CAST: variants seen among roughly 807,000 people sequenced by gnomAD.
The protein encoded by CAST is calpastatin, also known as MIR583 host.
Under a neutral mutation model 119.6 loss-of-function variants are expected in CAST, and 76 were observed. The ratio of observed to expected loss-of-function variants is 0.64; its 90% CI spans 0.53 to 0.77. The LOEUF (loss-of-function observed/expected upper bound fraction) is 0.77. CAST is among the 30% of genes least tolerant of loss of function. The pLI, the probability that CAST is intolerant of heterozygous loss-of-function variation, is 0.00. For missense variants in CAST, 953 were observed against 946.5 expected (o/e 1.01, Z -0.09); for synonymous variants, 319 against 331.6 (o/e 0.96, Z 0.41).
chr5:96,764,900 G>A (rs1333529843), intron 25 of CAST, among the ~76,000 whole-genome samples: 1 of 152,082 alleles, frequency 6.6e-6, no homozygotes, highest in East Asian at 1.9e-4. Flanking sequence ...GTGACCTCCA[G>A]GTCACCCACT....
At chr5:96,220,649 C>T in the CAST span, among the ~76,000 whole-genome samples, 33 of 152,312 alleles carry the variant, frequency 2.2e-4, no homozygotes, top group South Asian at 6.6e-3. Context: ...ATGAATAAGA[C>T]ATCACTCAGT....
the CAST span, among the ~76,000 whole-genome samples, chr5:96,464,695 A>T: frequency 6.6e-6 from 1 of 152,104 alleles, no homozygotes. Flanking sequence ...TGTGAAACGT[A>T]ATACAGTAAA....
At chr5:96,104,199 A>G in the CAST span, among the ~76,000 whole-genome samples, 1 of 152,060 alleles carries the variant, frequency 6.6e-6, no homozygotes, top group African/African-American at 2.4e-5. Flanking sequence ...GTTCACTCTG[A>G]TGGTAGTTTC....
chr5:96,201,107 T>C, the CAST span, among the ~76,000 whole-genome samples: 1 of 152,242 alleles, frequency 6.6e-6, no homozygotes, highest in South Asian at 2.1e-4. Flanking sequence ...TTCAAAGAGA[T>C]GTTTAGAATT....
At chr5:96,108,509 G>T in the CAST span, among the ~76,000 whole-genome samples, 1 of 152,058 alleles carries the variant, frequency 6.6e-6, no homozygotes, top group Non-Finnish European at 1.5e-5. Context: ...TGCCCCTGCT[G>T]GGGGGTGCCT....
the CAST span, among the ~76,000 whole-genome samples, chr5:96,375,734 T>C: frequency 6.6e-6 from 1 of 151,654 alleles, no homozygotes; most frequent in Non-Finnish European, 1.5e-5. Flanking sequence ...TTGAAGGCCT[T>C]ATAAGCAAAA....
At chr5:96,179,325 G>A in the CAST span, among the ~76,000 whole-genome samples, 1 of 152,174 alleles carries the variant, frequency 6.6e-6, no homozygotes, top group Non-Finnish European at 1.5e-5. Context: ...CACAGGTTTT[G>A]TCTTGAATGC....
intron 1 of CAST, among the ~76,000 whole-genome samples, chr5:96,533,477 G>C (rs923412583): frequency 1.3e-5 from 2 of 152,096 alleles, no homozygotes; most frequent in African/African-American, 4.8e-5. Flanking sequence ...TAAAATCAAA[G>C]CTATTTTATA....
the CAST span, among the ~76,000 whole-genome samples, chr5:96,436,888 G>A: frequency 6.6e-6 from 1 of 152,196 alleles, no homozygotes; most frequent in Non-Finnish European, 1.5e-5. Flanking sequence ...ATTTTGGTGG[G>A]TGTGCTATGC....
chr5:96,014,595 A>C, the CAST span, among the ~76,000 whole-genome samples: 1 of 152,164 alleles, frequency 6.6e-6, no homozygotes, highest in African/African-American at 2.4e-5. Flanking sequence ...CTATGGCACT[A>C]TGATGGCTAC....
chr5:96,548,480 T>C (rs1746057705), intron 1 of CAST, among the ~76,000 whole-genome samples: 1 of 152,182 alleles, frequency 6.6e-6, no homozygotes, highest in Non-Finnish European at 1.5e-5. Flanking sequence ...TAACACATTC[T>C]GATTACCAGG....
At chr5:96,225,960 C>A in the CAST span, among the ~76,000 whole-genome samples, 1 of 152,120 alleles carries the variant, frequency 6.6e-6, no homozygotes, top group Non-Finnish European at 1.5e-5. Context: ...AGTTACTGCA[C>A]TATGTATCTT....
chr5:96,390,613 TCTC>T, the CAST span: 2 of 152,646 alleles, frequency 1.3e-5, no homozygotes, highest in African/African-American at 4.8e-5. Context: ...ACTTTCTTAT[TCTC>T]AGGAAAACTT....
chr5:96,304,479 T>C, the CAST span, among the ~76,000 whole-genome samples: 20 of 152,350 alleles, frequency 1.3e-4, no homozygotes, highest in Admixed American at 9.8e-4. Flanking sequence ...CAATTTTGGC[T>C]TTTGTTGCCA....
At chr5:96,691,408 G>GA (rs1470701386) in intron 2 of CAST, among the ~76,000 whole-genome samples, 1 of 152,060 alleles carries the variant, frequency 6.6e-6, no homozygotes, top group Non-Finnish European at 1.5e-5. Flanking sequence ...TAGTTCTAAG[G>GA]AAAAAATTAC....
chr5:96,429,787 A>T, the CAST span, among the ~76,000 whole-genome samples: 1 of 152,216 alleles, frequency 6.6e-6, no homozygotes, highest in African/African-American at 2.4e-5. Flanking sequence ...GAAGGCACTG[A>T]TAGAGGTCTT....
chr5:96,554,606 G>A (rs988507545), intron 1 of CAST, among the ~76,000 whole-genome samples: 1 of 152,190 alleles, frequency 6.6e-6, no homozygotes, highest in African/African-American at 2.4e-5. Context: ...ACTATCATCA[G>A]AGTGAACAGG....
chr5:95,994,006 A>T, the CAST span, among the ~76,000 whole-genome samples: 2 of 152,094 alleles, frequency 1.3e-5, no homozygotes, highest in African/African-American at 4.8e-5. Context: ...CTAAAATTAA[A>T]AGCCTGGCAA....
At chr5:96,386,200 A>G in the CAST span, among the ~76,000 whole-genome samples, 2 of 152,154 alleles carry the variant, frequency 1.3e-5, no homozygotes, top group Admixed American at 1.3e-4. Context: ...GAAAATTGTT[A>G]CTCCAATTTC....
Sources: allele counts gnomAD v4.1 joint callset (sites outside exome capture counted in the v4.1 genomes callset), GRCh38; gene constraint gnomAD v4.1.1; transcripts MANE v1.5; gene names NCBI Gene and HGNC (gene_info 2026-07-23, HGNC 2026-07-21).